Variants in GSG1L observed in about 807,000 individuals in gnomAD.
GSG1L encodes the protein GSG1 like, also known as germ cell-specific gene 1-like protein.
In GSG1L, 24 loss-of-function variants were observed where a neutral mutation model predicts 42.1. The ratio of observed to expected loss-of-function variants is 0.57; its 90% CI spans 0.41 to 0.80. GSG1L has a LOEUF of 0.80. GSG1L is among the 30% of genes least tolerant of loss of function. GSG1L has a pLI of 0.00. For missense variants in GSG1L, 445 were observed against 472.2 expected (o/e 0.94, Z 0.53); for synonymous variants, 215 against 203.5 (o/e 1.06, Z -0.48).
At chr16:28,034,215 ATCCC>A (rs2086003864) in intron 1 of GSG1L, among the ~76,000 whole-genome samples, 1 of 2,174 alleles carries the variant, frequency 4.6e-4, no homozygotes. Flanking sequence ...ATCCCAACCC[ATCCC>A]ATCCCATCCC....
rs532937111 is a variant in GSG1L at position 27,828,716 on chromosome 16, C to G, written c.830+73G>C. 8 of 1,440,722 alleles carry G rather than the reference C, an allele frequency of 5.6e-6. No homozygotes were observed. In the East Asian group the frequency reaches 1.8e-4, roughly 33 times the overall value. The allele number at this position is 1,440,722 out of a possible 1,614,324, so 89.2% of individuals were successfully genotyped here. On this transcript the variant is annotated intron_variant, in intron 5 of 6. Coordinates refer to ENST00000447459, the MANE Select transcript of GSG1L (RefSeq NM_001109763.2). ...TTCATTCCAGTTTTTGACTGGGGCC[C>G]GGTGGCCACTGAGGCCAGGCCGTGG...
chr16:27,823,527 A>G (rs949699688), intron 5 of GSG1L, among the ~76,000 whole-genome samples: 1 of 151,966 alleles, frequency 6.6e-6, no homozygotes, highest in Non-Finnish European at 1.5e-5. Context: ...GCAGGGCACT[A>G]CCTTGTCGCT....
rs550007185 is a variant in GSG1L at position 27,919,944 on chromosome 16, G to A, written c.398-35306C>T. Among the ~76,000 whole-genome samples, 3 of 152,308 alleles carry A rather than the reference G, an allele frequency of 2.0e-5. No homozygotes were observed. The South Asian group carries it at 6.2e-4, about 32-fold the overall frequency. On this transcript the variant is annotated intron_variant, in intron 2 of 6. Coordinates refer to ENST00000447459, the MANE Select transcript of GSG1L (RefSeq NM_001109763.2). ...GATTTATCCCATCCCTCTTGATGAG[G>A]ATCTATCCCATCCCATGCCAAATGG...
At chr16:27,940,079 G>A (rs1001484000) in intron 2 of GSG1L, among the ~76,000 whole-genome samples, 1 of 152,130 alleles carries the variant, frequency 6.6e-6, no homozygotes, top group Non-Finnish European at 1.5e-5. Flanking sequence ...AGACATTTAT[G>A]CAGCCAAAAA....
intron 2 of GSG1L, among the ~76,000 whole-genome samples, chr16:27,936,115 G>A (rs1283692489): frequency 6.6e-6 from 1 of 151,668 alleles, no homozygotes. Context: ...TCCATGCCCA[G>A]GTCAATCACA....
At chr16:27,911,851 C>T (rs1459660507) in intron 2 of GSG1L, among the ~76,000 whole-genome samples, 1 of 152,200 alleles carries the variant, frequency 6.6e-6, no homozygotes, top group Non-Finnish European at 1.5e-5. Flanking sequence ...CACTTATTGC[C>T]ATCTAATAAT....
At chr16:27,894,848 C>G (rs560614867) in intron 2 of GSG1L, among the ~76,000 whole-genome samples, 1 of 152,166 alleles carries the variant, frequency 6.6e-6, no homozygotes, top group African/African-American at 2.4e-5. Context: ...GTGGGAGGCA[C>G]TGTTCCACCT....
chr16:28,057,064 G>T (rs1356548790), intron 1 of GSG1L, among the ~76,000 whole-genome samples: 1 of 152,152 alleles, frequency 6.6e-6, no homozygotes, highest in Non-Finnish European at 1.5e-5. Context: ...CGGTGTGGCT[G>T]AAGAAGAGTG....
In GSG1L at chr16:27,832,104, C is replaced by T. The variant is rs542906953; in HGVS notation, c.663-3148G>A. ...TAGTTTCATCTCAGCCCTTATCACA[C>T]CCTGTGATTCTTTTTATCTTTTTTC... On this transcript the variant is annotated intron_variant, in intron 4 of 6. Coordinates refer to ENST00000447459, the MANE Select transcript of GSG1L (RefSeq NM_001109763.2). 1.5e-3 allele frequency among the ~76,000 whole-genome samples: 233 copies of T among 152,276 alleles called. 5 individuals are homozygous for T. In the South Asian group the frequency reaches 0.048, roughly 31 times the overall value.
intron 2 of GSG1L, among the ~76,000 whole-genome samples, chr16:27,899,993 C>T (rs1443495883): frequency 6.6e-6 from 1 of 152,208 alleles, no homozygotes; most frequent in African/African-American, 2.4e-5. Flanking sequence ...TGCCTCTCTG[C>T]ACCTCCGTTG....
At chr16:27,943,360 A>C (rs2084822472) in intron 2 of GSG1L, among the ~76,000 whole-genome samples, 2 of 152,046 alleles carry the variant, frequency 1.3e-5, no homozygotes, top group Non-Finnish European at 2.9e-5. Context: ...AACAAATAGA[A>C]GGTGGTGTAG....
chr16:27,888,462 T>TTCTTTCTTTCTC (rs1193632295), intron 2 of GSG1L, among the ~76,000 whole-genome samples: 1 of 37,914 alleles, frequency 2.6e-5, no homozygotes, highest in East Asian at 6.8e-4. Flanking sequence ...CTTTCTTTCT[T>TTCTTTCTTTCTC]TCTCTCTCTC....
Position 27,829,332 on chromosome 16 carries a change from CA to C in GSG1L, c.663-377del, listed in dbSNP as rs1347749373. On this transcript the variant is annotated intron_variant, in intron 4 of 6. Transcript: ENST00000447459. ...ATTCCAGGAGAAGGAATAGTGTGTA[CA>C]AAGGCATGGAGGCATCAAACAGCAG... is the stretch of plus-strand genomic sequence containing the variant. Among the ~76,000 whole-genome samples the C allele has an allele frequency of 2.2e-4, 34 of 152,132 alleles. 1 individual carries two copies. Among genetic ancestry groups the C allele is most frequent in the Admixed American group, 8.5e-4 (13 of 15,288 alleles).
At chr16:27,838,648 G>A (rs773410609) in intron 4 of GSG1L, among the ~76,000 whole-genome samples, 3 of 152,192 alleles carry the variant, frequency 2.0e-5, no homozygotes, top group Non-Finnish European at 4.4e-5. Context: ...TGCCCAGTGG[G>A]GAGGTTGTAA....
chr16:27,831,950 C>A (rs16977005), intron 4 of GSG1L, among the ~76,000 whole-genome samples: 2,941 of 152,200 alleles, frequency 0.019, 100 homozygotes, highest in African/African-American at 0.067. Flanking sequence ...GCTTTCCAAG[C>A]TTTACCCAGG....
chr16:27,967,868 G>A (rs2085152385), intron 1 of GSG1L, among the ~76,000 whole-genome samples: 1 of 152,138 alleles, frequency 6.6e-6, no homozygotes, highest in African/African-American at 2.4e-5. Flanking sequence ...AGCAGAGATC[G>A]CACCACTGCA....
At chr16:28,004,842 A>G (rs942740534) in intron 1 of GSG1L, among the ~76,000 whole-genome samples, 3 of 152,188 alleles carry the variant, frequency 2.0e-5, no homozygotes, top group Admixed American at 2.0e-4. Context: ...AGAGACAAAG[A>G]GACCAAAATG....
At chr16:27,934,355 C>T (rs374025765) in intron 2 of GSG1L, among the ~76,000 whole-genome samples, 3 of 152,020 alleles carry the variant, frequency 2.0e-5, no homozygotes, top group East Asian at 1.9e-4. Flanking sequence ...ACCAGCCTGG[C>T]CAACATGGCA....
chr16:27,860,466 G>A (rs189959956), intron 3 of GSG1L, among the ~76,000 whole-genome samples: 44 of 152,294 alleles, frequency 2.9e-4, no homozygotes, highest in African/African-American at 1.1e-3. Context: ...GCTGCTCCCC[G>A]TTGCAGACAA....
Sources: gnomAD v4.1 joint callset for allele counts (sites outside exome capture counted in the v4.1 genomes callset) on GRCh38, gnomAD v4.1.1 for gene constraint, MANE v1.5 for transcripts, NCBI Gene and HGNC (gene_info 2026-07-23, HGNC 2026-07-21) for gene names.